Variants in ASXL3 observed in about 807,000 individuals in gnomAD.
The protein encoded by ASXL3 is putative Polycomb group protein ASXL3.
A neutral mutation model predicts 170.6 loss-of-function variants in ASXL3; 34 were observed. That is an observed-to-expected ratio of 0.20 (90% CI 0.15 to 0.27). ASXL3 has a LOEUF of 0.27. ASXL3 is among the 10% of genes least tolerant of loss of function. The pLI is 1.00. For missense variants in ASXL3, 2,592 were observed against 2,695.3 expected (o/e 0.96, Z 0.85); for synonymous variants, 1,002 against 989.1 (o/e 1.01, Z -0.24).
intron 1 of ASXL3, among the ~76,000 whole-genome samples, chr18:33,602,483 A>G (rs1171399775): frequency 6.6e-6 from 1 of 152,142 alleles, no homozygotes; most frequent in African/African-American, 2.4e-5. Flanking sequence ...TCTGAAGGCT[A>G]TCAGTAATCC....
rs183808969 is a variant in ASXL3 at position 33,623,091 on chromosome 18, A to G, written c.137+15415A>G. Reference sequence around the variant, plus strand: ...GCTGAGCCTCTAATGGCCTTCACCAATTTTTGCTCTCCACCCCCACCTTCA... The same window carrying G: ...GCTGAGCCTCTAATGGCCTTCACCAGTTTTTGCTCTCCACCCCCACCTTCA... On this transcript the variant is annotated intron_variant, in intron 2 of 11. Transcript: ENST00000269197. 8.1e-4 allele frequency among the ~76,000 whole-genome samples: 123 copies of G among 152,202 alleles called. 1 individual carries two copies. The East Asian group carries it at 0.022, about 28-fold the overall frequency.
At chr18:33,612,308 A>G (rs1256007628) in intron 2 of ASXL3, among the ~76,000 whole-genome samples, 1 of 152,046 alleles carries the variant, frequency 6.6e-6, no homozygotes, top group Non-Finnish European at 1.5e-5. Context: ...AGATTTAAAA[A>G]CTATGTTAAA....
chr18:33,676,782 C>T (rs536971484), intron 7 of ASXL3, among the ~76,000 whole-genome samples: 2 of 152,304 alleles, frequency 1.3e-5, no homozygotes, highest in South Asian at 2.1e-4. Context: ...ACCCTCTCTC[C>T]TTGTCTTAGC....
intron 1 of ASXL3, among the ~76,000 whole-genome samples, chr18:33,603,910 A>G (rs906801046): frequency 2.6e-5 from 4 of 152,106 alleles, no homozygotes; most frequent in Non-Finnish European, 5.9e-5. Flanking sequence ...TGATTTGTGA[A>G]GAGACAGTGA....
At chr18:33,612,468 A>C (rs2065350892) in intron 2 of ASXL3, among the ~76,000 whole-genome samples, 1 of 152,114 alleles carries the variant, frequency 6.6e-6, no homozygotes, top group African/African-American at 2.4e-5. Flanking sequence ...ATGCATTGAC[A>C]TCCCAGATTT....
At position 33,582,012 on chromosome 18, in the gene ASXL3, A is replaced by G. The variant is rs536759490; in HGVS notation, c.54+3327A>G. Among the ~76,000 whole-genome samples the G allele has an allele frequency of 6.6e-5, 10 of 152,078 alleles. No individual in the cohort carries two copies. The South Asian group carries it at 1.0e-3, about 16-fold the overall frequency. On this transcript the variant is annotated intron_variant, in intron 1 of 11. Coordinates refer to ENST00000269197, the MANE Select transcript of ASXL3 (RefSeq NM_030632.3). ...CCTCCCCTCCCCCACAGCCTTCTGCAGTTGTAGTTGTGTTACTTTGCGCAT... is the reference window on the plus strand; with the variant it reads ...CCTCCCCTCCCCCACAGCCTTCTGCGGTTGTAGTTGTGTTACTTTGCGCAT...
chr18:33,742,311 C>A (rs1045500383), intron 11 of ASXL3, among the ~76,000 whole-genome samples: 4 of 152,138 alleles, frequency 2.6e-5, no homozygotes, highest in Non-Finnish European at 4.4e-5. Flanking sequence ...TGCAAGGTAG[C>A]ATAGGAGTGC....
intron 1 of ASXL3, among the ~76,000 whole-genome samples, chr18:33,599,204 T>G (rs534943136): frequency 3.5e-4 from 53 of 152,248 alleles, no homozygotes; most frequent in Non-Finnish European, 5.6e-4. Flanking sequence ...CATGTCAAAC[T>G]AAATTAATTT....
intron 4 of ASXL3, among the ~76,000 whole-genome samples, chr18:33,649,852 G>A (rs1423901399): frequency 1.3e-5 from 2 of 152,020 alleles, no homozygotes; most frequent in Non-Finnish European, 2.9e-5. Context: ...TGGAATGCAT[G>A]GATTGAATTT....
intron 8 of ASXL3, among the ~76,000 whole-genome samples, chr18:33,696,725 C>T (rs1014795668): frequency 6.6e-6 from 1 of 152,056 alleles, no homozygotes; most frequent in African/African-American, 2.4e-5. Flanking sequence ...GACTTATGCT[C>T]TATAACAGCA....
intron 2 of ASXL3, among the ~76,000 whole-genome samples, chr18:33,641,116 G>A (rs1375966974): frequency 1.3e-5 from 2 of 152,048 alleles, no homozygotes; most frequent in African/African-American, 4.8e-5. Context: ...ATTCTGTCTA[G>A]TTTTTAAAAT....
At chr18:33,637,922 C>G (rs1489805633) in intron 2 of ASXL3, among the ~76,000 whole-genome samples, 1 of 152,124 alleles carries the variant, frequency 6.6e-6, no homozygotes, top group East Asian at 1.9e-4. Flanking sequence ...AAATTTAGTT[C>G]AGCTCAGCCT....
intron 8 of ASXL3, among the ~76,000 whole-genome samples, chr18:33,688,240 A>C (rs1341074876): frequency 6.6e-6 from 1 of 152,206 alleles, no homozygotes; most frequent in Non-Finnish European, 1.5e-5. Context: ...CTCCTGAAGT[A>C]AAATGGTGCA....
At chr18:33,599,224 A>G (rs2065158940) in intron 1 of ASXL3, among the ~76,000 whole-genome samples, 1 of 152,152 alleles carries the variant, frequency 6.6e-6, no homozygotes, top group South Asian at 2.1e-4. Context: ...TATTTTTGAT[A>G]GGATTATTAG....
Position 33,745,324 on chromosome 18 carries a change from C to T in ASXL3, c.5476C>T (p.His1826Tyr). ...APLQMRKREN[H>Y]PKKRVARTVG... Reference sequence around the variant, plus strand: ...ACTCCAAATGAGAAAGCGAGAAAACCACCCCAAAAAGAGAGTAGCTAGGAC... The same window carrying T: ...ACTCCAAATGAGAAAGCGAGAAAACTACCCCAAAAAGAGAGTAGCTAGGAC... Residue 1826 changes from histidine (H) to tyrosine (Y), a missense_variant, in exon 12 of 12, where the codon CAC becomes TAC. Physicochemically the swap from His to Tyr is moderately conservative, Grantham distance 83 (BLOSUM62 2). Transcript: ENST00000269197. 2.5e-6 allele frequency: 4 copies of T among 1,613,934 alleles called. No homozygotes were observed. Among genetic ancestry groups the T allele is most frequent in the South Asian group, 1.1e-5 (1 of 91,074 alleles).
At chr18:33,602,823 G>C (rs755147545) in intron 1 of ASXL3, among the ~76,000 whole-genome samples, 6 of 126,254 alleles carry the variant, frequency 4.8e-5, no homozygotes, top group Non-Finnish European at 8.6e-5. Flanking sequence ...AATAACATAT[G>C]TTGTGTGAAG....
At chr18:33,672,633 G>T (rs1300742558) in intron 7 of ASXL3, among the ~76,000 whole-genome samples, 1 of 152,140 alleles carries the variant, frequency 6.6e-6, no homozygotes, top group Admixed American at 6.5e-5. Flanking sequence ...TAATAACCTG[G>T]ATCGTTACAA....
In ASXL3 at chr18:33,746,661, A is replaced by T; in HGVS notation, c.*66A>T. 1.3e-6 allele frequency: 2 copies of T among 1,501,820 alleles called. No homozygotes were observed. The highest frequency in any genetic ancestry group is 1.8e-6 in the Non-Finnish European group (2 of 1,132,150). 93.0% of individuals were successfully genotyped at this position (1,501,820 alleles called of 1,614,324 possible). On this transcript the variant is annotated 3_prime_UTR_variant, in exon 12 of 12. Coordinates refer to ENST00000269197, the MANE Select transcript of ASXL3 (RefSeq NM_030632.3). ...AAGCCAAATAGCATCAGCAACAACA[A>T]ATAGAATAATGCAGTGGTTTCTATC...
chr18:33,667,856 C>T (rs1279203577), intron 5 of ASXL3, among the ~76,000 whole-genome samples: 7 of 152,214 alleles, frequency 4.6e-5, no homozygotes, highest in African/African-American at 1.4e-4. Flanking sequence ...CATTATAAAT[C>T]AGCAGCACTT....
Sources: allele counts gnomAD v4.1 joint callset (sites outside exome capture counted in the v4.1 genomes callset), GRCh38; gene constraint gnomAD v4.1.1; transcripts MANE v1.5; gene names NCBI Gene and HGNC (gene_info 2026-07-23, HGNC 2026-07-21).